The following TMEM132D variants were observed in gnomAD, a reference collection of about 807,000 sequenced individuals.
TMEM132D encodes the protein mature OL transmembrane protein.
In TMEM132D, 21 loss-of-function variants were observed where a neutral mutation model predicts 62.3. The observed-to-expected ratio is 0.34, with a 90% CI of 0.24 to 0.49. TMEM132D has a LOEUF of 0.49. Ranked by LOEUF, TMEM132D falls within the 20% of genes least tolerant of loss-of-function variation. The probability of loss-of-function intolerance (pLI) is 0.99; values close to 1 mark genes in which losing one functional copy is unlikely to be tolerated. For missense variants in TMEM132D, 1,346 were observed against 1,402.8 expected, an observed-to-expected ratio of 0.96 and a Z score of 0.65; for synonymous variants, 621 against 575.6, an observed-to-expected ratio of 1.08 and a Z score of -1.13.
intron 2 of TMEM132D, among the ~76,000 whole-genome samples, chr12:129,654,192 G>C (rs925402199): frequency 6.6e-6 from 1 of 151,822 alleles, no homozygotes; most frequent in Non-Finnish European, 1.5e-5. Context: ...TTGGCCACTG[G>C]GAGCTCTTTC....
At chr12:129,360,499 G>C (rs927689750) in intron 3 of TMEM132D, among the ~76,000 whole-genome samples, 4 of 152,200 alleles carry the variant, frequency 2.6e-5, no homozygotes, top group Non-Finnish European at 4.4e-5. Context: ...GTTCTTAAAA[G>C]AGACGAGGGG....
rs550369742 is a variant in TMEM132D, at chr12:129,146,235, C to A, written c.1444-61533G>T. Among the ~76,000 whole-genome samples, 29 of 152,286 alleles carry A rather than the reference C, an allele frequency of 1.9e-4. 1 individual carries two copies. The highest frequency in any genetic ancestry group is 5.1e-4 in the African/African-American group (21 of 41,558). On this transcript the variant is annotated intron_variant, in intron 5 of 8. Transcript: ENST00000422113. ...CTCTCTCCCCTTTCATTCCTGGTAT[C>A]TCCTCACCACTCAACACATCAAGGC...
chr12:129,356,152 T>TAAAGTAAGGCGGATGCCGAAG (rs1566043326), intron 3 of TMEM132D, among the ~76,000 whole-genome samples: 2 of 54,516 alleles, frequency 3.7e-5, no homozygotes, highest in Admixed American at 1.9e-4. Context: ...AAGGGATTTT[T>TAAAGTAAGGCGGATGCCGAAG]TTTTTTTTTT....
intron 3 of TMEM132D, among the ~76,000 whole-genome samples, chr12:129,492,373 A>G (rs895439486): frequency 6.6e-6 from 1 of 152,224 alleles, no homozygotes; most frequent in Non-Finnish European, 1.5e-5. Context: ...CAATGAAATC[A>G]AGAAAGAAAT....
chr12:129,130,567 A>T (rs1187989138), intron 5 of TMEM132D, among the ~76,000 whole-genome samples: 2 of 152,182 alleles, frequency 1.3e-5, no homozygotes, highest in African/African-American at 4.8e-5. Context: ...CAGATAAAAC[A>T]AAAAGTCTTT....
chr12:129,087,325 T>C (rs1874652963), intron 5 of TMEM132D, among the ~76,000 whole-genome samples: 1 of 152,020 alleles, frequency 6.6e-6, no homozygotes, highest in African/African-American at 2.4e-5. Context: ...TAAGGCTGAA[T>C]AGTATTCCAC....
intron 2 of TMEM132D, among the ~76,000 whole-genome samples, chr12:129,592,070 C>T (rs265634): frequency 0.67 from 102,538 of 151,950 alleles, 34,826 homozygotes; most frequent in East Asian, 0.84. Context: ...TAATCTGATC[C>T]GATTTCCATT....
At chr12:129,523,559 C>T (rs985566649) in intron 3 of TMEM132D, among the ~76,000 whole-genome samples, 1 of 152,160 alleles carries the variant, frequency 6.6e-6, no homozygotes, top group Non-Finnish European at 1.5e-5. Context: ...AGCAAAGACG[C>T]GTGGCGGTAA....
At chr12:129,361,617 C>T (rs1168309334) in intron 3 of TMEM132D, among the ~76,000 whole-genome samples, 1 of 152,130 alleles carries the variant, frequency 6.6e-6, no homozygotes, top group East Asian at 1.9e-4. Flanking sequence ...CCCAAATGTC[C>T]ATGGCAAATG....
chr12:129,864,055 G>A (rs540001437), intron 1 of TMEM132D, among the ~76,000 whole-genome samples: 1 of 152,320 alleles, frequency 6.6e-6, no homozygotes, highest in African/African-American at 2.4e-5. Context: ...GCATGTAGCT[G>A]AGATGACAGA....
At chr12:129,473,760 T>C (rs1164352574) in intron 3 of TMEM132D, among the ~76,000 whole-genome samples, 1 of 152,240 alleles carries the variant, frequency 6.6e-6, no homozygotes, top group South Asian at 2.1e-4. Context: ...CAAAAAATTG[T>C]GTGATTCACT....
chr12:129,329,417 G>A (rs1869031279), intron 4 of TMEM132D, among the ~76,000 whole-genome samples: 1 of 152,098 alleles, frequency 6.6e-6, no homozygotes, highest in Admixed American at 6.5e-5. Flanking sequence ...AGGGTATCTG[G>A]CATATTAATT....
intron 1 of TMEM132D, among the ~76,000 whole-genome samples, chr12:129,784,932 A>G (rs530142293): frequency 8.5e-5 from 13 of 152,266 alleles, no homozygotes; most frequent in African/African-American, 2.9e-4. Flanking sequence ...AACATCATCT[A>G]TGGCACCAGC....
intron 2 of TMEM132D, among the ~76,000 whole-genome samples, chr12:129,566,973 C>T (rs1337853924): frequency 6.6e-6 from 1 of 152,196 alleles, no homozygotes. Flanking sequence ...CCTTTCCAGA[C>T]CTAACCAATG....
intron 5 of TMEM132D, among the ~76,000 whole-genome samples, chr12:129,189,576 CGT>C (rs939932663): frequency 7.2e-5 from 11 of 152,148 alleles, no homozygotes; most frequent in South Asian, 6.2e-4. Flanking sequence ...ACCCAGGGTG[CGT>C]GAGGTCCATC....
At chr12:129,562,161 C>T (rs1372742734) in intron 2 of TMEM132D, among the ~76,000 whole-genome samples, 1 of 152,076 alleles carries the variant, frequency 6.6e-6, no homozygotes, top group African/African-American at 2.4e-5. Context: ...AGGATTTTTC[C>T]AAAATCCCAG....
chr12:129,833,433 C>T (rs1872906831), intron 1 of TMEM132D, among the ~76,000 whole-genome samples: 1 of 151,758 alleles, frequency 6.6e-6, no homozygotes, highest in Non-Finnish European at 1.5e-5. Flanking sequence ...AAACCCCATC[C>T]CTACAAAAAA....
At position 129,122,030 on chromosome 12, in the gene TMEM132D, G is replaced by A. The variant is rs563864915; in HGVS notation, c.1444-37328C>T. Among the ~76,000 whole-genome samples the A allele has an allele frequency of 3.3e-5, 5 of 152,286 alleles. No individual in the cohort carries two copies. In the South Asian group the frequency reaches 8.3e-4, roughly 25 times the overall value. ...CCGCCGATTCTGGCCCTGTTCTTCC[G>A]AGGCAGCCCTAGAATGCAGTCACTC... On this transcript the variant is annotated intron_variant, in intron 5 of 8. Transcript: ENST00000422113.
chr12:129,816,565 A>C (rs1359720799), intron 1 of TMEM132D, among the ~76,000 whole-genome samples: 2 of 152,262 alleles, frequency 1.3e-5, no homozygotes, highest in Admixed American at 1.3e-4. Context: ...AGAAAAGTCA[A>C]AATAAAACAG....
Sources: gnomAD v4.1 joint callset for allele counts (sites outside exome capture counted in the v4.1 genomes callset) on GRCh38, gnomAD v4.1.1 for gene constraint, MANE v1.5 for transcripts, NCBI Gene and HGNC (gene_info 2026-07-23, HGNC 2026-07-21) for gene names.